The following CGRRF1 variants were observed in gnomAD, a reference collection of about 807,000 sequenced individuals.
CGRRF1 encodes cell growth regulator with RING finger domain protein 1.
In CGRRF1, 32 loss-of-function variants were observed where a neutral mutation model predicts 37.2. The ratio of observed to expected loss-of-function variants is 0.86; its 90% confidence interval spans 0.65 to 1.16. The LOEUF is 1.16. CGRRF1 is among the 50% of genes most tolerant of loss of function. The probability of loss-of-function intolerance (pLI) is 0.00; values close to 1 mark genes in which losing one functional copy is unlikely to be tolerated. For missense variants in CGRRF1, 391 were observed against 382.6 expected (o/e 1.02, Z -0.18); for synonymous variants, 141 against 140.3 (o/e 1.00, Z -0.04).
chr14:54,533,442 T>C (rs2032551886), intron 4 of CGRRF1, among the ~76,000 whole-genome samples: 1 of 152,178 alleles, frequency 6.6e-6, no homozygotes, highest in African/African-American at 2.4e-5. Flanking sequence ...CCTCCTTTTT[T>C]CCTGTTAATC....
intron 1 of CGRRF1, among the ~76,000 whole-genome samples, chr14:54,518,776 A>G (rs1389115388): frequency 6.6e-6 from 1 of 152,116 alleles, no homozygotes; most frequent in Non-Finnish European, 1.5e-5. Context: ...TGGTTTGCCT[A>G]CTTTTTAATG....
Position 54,522,501 on chromosome 14 carries a change from A to G in CGRRF1, c.152A>G (p.Gln51Arg). 1.9e-6 allele frequency: 3 copies of G among 1,606,024 alleles called. No homozygotes were observed. The highest frequency in any genetic ancestry group is 2.5e-6 in the Non-Finnish European group (3 of 1,177,112). The stretch of plus-strand genomic sequence containing the variant: ...ATTCTGAGAAATTCAGAAGAGACCC[A>G]GTTCAGCACAAGAGTTTTCAAAAAG... Reference protein sequence around the residue: ...PVILRNSEETQFSTRVFKKQM... With the variant: ...PVILRNSEETRFSTRVFKKQM... Residue 51 changes from glutamine (Q) to arginine (R), a missense_variant, in exon 2 of 6, where the codon CAG becomes CGG. Coordinates refer to ENST00000216420, the MANE Select transcript of CGRRF1 (RefSeq NM_006568.3).
chr14:54,522,109 C>T (rs958910493), intron 1 of CGRRF1, among the ~76,000 whole-genome samples: 13 of 152,198 alleles, frequency 8.5e-5, no homozygotes, highest in East Asian at 5.8e-4. Context: ...AACCTACACA[C>T]GTCCTTCTGT....
chr14:54,524,671 G>A lies in CGRRF1; in HGVS notation c.244+2078G>A, dbSNP rs184054940. On this transcript the variant is annotated intron_variant, in intron 2 of 5. Coordinates refer to ENST00000216420, the MANE Select transcript of CGRRF1 (RefSeq NM_006568.3). ...GGCTCACAAAGTGCTGGGATTACAGGCGTGACCCACTGTTCTTGGCCCCAA... is the reference window on the plus strand; with the variant it reads ...GGCTCACAAAGTGCTGGGATTACAGACGTGACCCACTGTTCTTGGCCCCAA... Among the ~76,000 whole-genome samples the A allele has an allele frequency of 4.3e-3, 659 of 152,186 alleles. 4 individuals carry two copies. Among genetic ancestry groups the A allele is most frequent in the African/African-American group, 0.015 (626 of 41,526 alleles).
intron 4 of CGRRF1, among the ~76,000 whole-genome samples, chr14:54,531,888 T>C (rs1336332343): frequency 1.3e-5 from 2 of 152,184 alleles, no homozygotes; most frequent in Non-Finnish European, 2.9e-5. Context: ...TTGACTACTT[T>C]TCTGAAGTAT....
chr14:54,532,894 T>C (rs2032539461), intron 4 of CGRRF1, among the ~76,000 whole-genome samples: 1 of 152,054 alleles, frequency 6.6e-6, no homozygotes, highest in Non-Finnish European at 1.5e-5. Context: ...TTCTAGCTTC[T>C]TTGTTCTTGA....
intron 1 of CGRRF1, among the ~76,000 whole-genome samples, chr14:54,520,254 G>A (rs980210164): frequency 3.9e-5 from 6 of 152,014 alleles, no homozygotes; most frequent in Admixed American, 6.6e-5. Flanking sequence ...GACTGCAGGC[G>A]CCCACCACCA....
At position 54,530,040 on chromosome 14, in the gene CGRRF1, T is replaced by A; in HGVS notation, c.245-9T>A. On this transcript the variant is annotated splice_polypyrimidine_tract_variant and intron_variant, in intron 2 of 5. Transcript: ENST00000216420. ...ATCACTTTCATTCTTTCTCCTTTGT[T>A]TTTTACAGCTGGCATAACCTTGACA... The A allele has an allele frequency of 1.3e-6, 2 of 1,597,810 alleles. No homozygotes were observed. Among genetic ancestry groups the A allele is most frequent in the Non-Finnish European group, 1.7e-6 (2 of 1,167,296 alleles).
chr14:54,514,251 G>C (rs1005997065), intron 1 of CGRRF1, among the ~76,000 whole-genome samples: 8 of 152,058 alleles, frequency 5.3e-5, no homozygotes, highest in African/African-American at 1.7e-4. Flanking sequence ...TATATCTGTG[G>C]AATCCTGAGG....
Position 54,537,816 on chromosome 14 carries a change from T to C in CGRRF1, c.665T>C (p.Phe222Ser), listed in dbSNP as rs546321805. ...YQYLLLAQGQ[F>S]HDLKQLFMSA... ...TATTTACTCTTGGCTCAAGGTCAAT[T>C]TCATGATCTTAAGGTAAGCCGTACT... Residue 222 changes from phenylalanine to serine, a missense_variant, in exon 5 of 6, where the codon TTT (phenylalanine) becomes TCT (serine). Transcript: ENST00000216420. 1 of 1,602,814 alleles carries C rather than the reference T, an allele frequency of 6.2e-7. No individual in the cohort carries two copies. Among genetic ancestry groups the C allele is most frequent in the East Asian group, 2.3e-5 (1 of 44,352 alleles).
intron 1 of CGRRF1, among the ~76,000 whole-genome samples, chr14:54,513,898 A>G (rs1047257535): frequency 3.9e-5 from 6 of 152,188 alleles, no homozygotes; most frequent in African/African-American, 1.4e-4. Context: ...TCAGTGTCTC[A>G]TTTAGAATAT....
chr14:54,513,751 A>C (rs928602408), intron 1 of CGRRF1, among the ~76,000 whole-genome samples: 1 of 152,158 alleles, frequency 6.6e-6, no homozygotes, highest in African/African-American at 2.4e-5. Context: ...AGACTGTTTG[A>C]GCCCAGAAGT....
intron 1 of CGRRF1, among the ~76,000 whole-genome samples, chr14:54,511,815 C>T (rs773267906): frequency 1.3e-5 from 2 of 152,260 alleles, no homozygotes; most frequent in Middle Eastern, 6.8e-3. Context: ...AATTATAGAA[C>T]GTTTGGAAGT....
At chr14:54,514,377 C>G (rs1335188837) in intron 1 of CGRRF1, among the ~76,000 whole-genome samples, 6 of 152,122 alleles carry the variant, frequency 3.9e-5, no homozygotes, top group Admixed American at 3.3e-4. Context: ...TTAACTCATA[C>G]TTGTTTGTTT....
chr14:54,530,232 CT>C lies in CGRRF1; in HGVS notation c.422+9del, dbSNP rs372622847. On this transcript the variant is annotated splice_region_variant and intron_variant, in intron 3 of 5. Coordinates refer to ENST00000216420, the MANE Select transcript of CGRRF1 (RefSeq NM_006568.3). ...CTCTATCAGGAACAGTATTTGTATC[CT>C]TTCGTCTGATATACCCATTAGCACT... is the stretch of plus-strand genomic sequence containing the variant. 1.2e-3 allele frequency: 1,830 copies of C among 1,587,056 alleles called. 31 individuals are homozygous for C. The South Asian group carries it at 0.018, about 15-fold the overall frequency.
chr14:54,513,602 TTA>T (rs1491155684), intron 1 of CGRRF1, among the ~76,000 whole-genome samples: 1 of 151,042 alleles, frequency 6.6e-6, no homozygotes, highest in African/African-American at 2.4e-5. Context: ...TTATGTTATG[TTA>T]TGTTATGTTA....
intron 2 of CGRRF1, among the ~76,000 whole-genome samples, chr14:54,522,859 A>C (rs1244038271): frequency 6.6e-6 from 1 of 152,248 alleles, no homozygotes; most frequent in Non-Finnish European, 1.5e-5. Context: ...GTTAATAGTG[A>C]AGTCTCTTAG....
intron 4 of CGRRF1, among the ~76,000 whole-genome samples, chr14:54,535,445 T>C (rs1473282296): frequency 1.3e-5 from 2 of 152,092 alleles, no homozygotes; most frequent in African/African-American, 4.8e-5. Context: ...TTTCTTATGA[T>C]CAGATCAAAG....
At chr14:54,537,098 A>C (rs562286257) in intron 4 of CGRRF1, 1 of 152,284 alleles carries the variant, frequency 6.6e-6, no homozygotes, top group African/African-American at 2.4e-5. Context: ...GTGATTTGAC[A>C]TCACACCTTT....
Sources: allele counts gnomAD v4.1 joint callset (sites outside exome capture counted in the v4.1 genomes callset), GRCh38; gene constraint gnomAD v4.1.1; transcripts MANE v1.5; gene names NCBI Gene and HGNC (gene_info 2026-07-23, HGNC 2026-07-21).